RDH10: variants seen among roughly 807,000 people sequenced by gnomAD.
The protein encoded by RDH10 is retinol dehydrogenase 10.
A neutral mutation model predicts 30.2 loss-of-function variants in RDH10; 12 were observed. The observed-to-expected ratio is 0.40, with a 90% CI of 0.25 to 0.64. RDH10 has a LOEUF of 0.64. Ranked by LOEUF, RDH10 falls within the 30% of genes least tolerant of loss-of-function variation. RDH10 has a pLI of 0.43. For synonymous variants in RDH10, 189 were observed against 172.2 expected (o/e 1.10, Z -0.76); for missense variants, 268 against 445.2 (o/e 0.60, Z 3.58).
intron 1 of RDH10, among the ~76,000 whole-genome samples, chr8:73,296,112 T>TA (rs1018687409): frequency 1.1e-4 from 17 of 152,360 alleles, no homozygotes; most frequent in African/African-American, 4.1e-4. Context: ...TGAGCGTGAT[T>TA]GAAAGACGCC....
intron 2 of RDH10, among the ~76,000 whole-genome samples, chr8:73,310,016 T>A (rs1256215808): frequency 6.6e-6 from 1 of 152,176 alleles, no homozygotes; most frequent in Admixed American, 6.5e-5. Context: ...CTGAGGGACG[T>A]TGCCTCCTGA....
At chr8:73,307,705 T>C (rs1814487400) in intron 2 of RDH10, among the ~76,000 whole-genome samples, 1 of 152,230 alleles carries the variant, frequency 6.6e-6, no homozygotes, top group African/African-American at 2.4e-5. Flanking sequence ...CCTGTACAAA[T>C]ACTTAGCTGT....
chr8:73,315,413 T>C (rs1814645156), intron 2 of RDH10: 1 of 288,368 alleles, frequency 3.5e-6, no homozygotes, highest in Non-Finnish European at 7.2e-6. Flanking sequence ...CATACTACCC[T>C]CCTTATGGAC....
rs996889183 is a variant in RDH10 at position 73,310,538 on chromosome 8, T to C, written c.526-8558T>C. Among the ~76,000 whole-genome samples the C allele has an allele frequency of 3.9e-5, 6 of 152,320 alleles. 1 individual carries two copies. Among genetic ancestry groups the C allele is most frequent in the Middle Eastern group, 3.4e-3 (1 of 294 alleles). On this transcript the variant is annotated intron_variant, in intron 2 of 5. Coordinates refer to ENST00000240285, the MANE Select transcript of RDH10 (RefSeq NM_172037.5). ...CTCGCATGCATGTGTTTATGCGTCA[T>C]GGAAGTAGTTACTGGTCACTAGAGC...
rs6472766 is a variant in RDH10, at chr8:73,319,466, A to G, written c.624+272A>G. ...TGCGAGCCCAGGTGTTCAAGACTGC[A>G]GTGAGCTATGGTGGCACCACTGCAC... On this transcript the variant is annotated intron_variant, in intron 3 of 5. Coordinates refer to ENST00000240285, the MANE Select transcript of RDH10 (RefSeq NM_172037.5). Among the ~76,000 whole-genome samples the G allele has an allele frequency of 0.18, 26,839 of 152,176 alleles. 2,963 individuals carry two copies. The highest frequency in any genetic ancestry group is 0.31 in the African/African-American group (12,898 of 41,478).
intron 2 of RDH10, 164 bp downstream of exon 2, chr8:73,297,593 G>GTCGTT (rs1814290162): frequency 1.7e-6 from 1 of 585,884 alleles, no homozygotes; most frequent in African/African-American, 1.9e-5. Flanking sequence ...GTTACTGTTA[G>GTCGTT]TCGTTTTGTC....
In RDH10 at chr8:73,298,692, T is replaced by C. The variant is rs143341462; in HGVS notation, c.525+1263T>C. ...ACAGGCACATGCTGCCACACCTGGC[T>C]AATTTTTTGTATTTTAGTAGAGATG... On this transcript the variant is annotated intron_variant, in intron 2 of 5. Coordinates refer to ENST00000240285, the MANE Select transcript of RDH10 (RefSeq NM_172037.5). 7.9e-3 allele frequency among the ~76,000 whole-genome samples: 1,200 copies of C among 152,234 alleles called. 6 individuals are homozygous for C. Among genetic ancestry groups the C allele is most frequent in the South Asian group, 0.02 (97 of 4,830 alleles).
chr8:73,296,094 A>G (rs1232486646), intron 1 of RDH10, among the ~76,000 whole-genome samples: 1 of 152,228 alleles, frequency 6.6e-6, no homozygotes, highest in Admixed American at 6.5e-5. Context: ...TGCTTTAGTT[A>G]CATTCCCTGA....
chr8:73,303,663 T>G (rs1814419487), intron 2 of RDH10, among the ~76,000 whole-genome samples: 1 of 152,230 alleles, frequency 6.6e-6, no homozygotes, highest in Non-Finnish European at 1.5e-5. Flanking sequence ...ATCTTATTCT[T>G]GTAGTCACAG....
At chr8:73,314,327 A>T (rs1041350607) in intron 2 of RDH10, among the ~76,000 whole-genome samples, 5 of 152,200 alleles carry the variant, frequency 3.3e-5, no homozygotes, top group African/African-American at 1.2e-4. Context: ...TACTTGGGAA[A>T]ATTCCTGAAA....
At chr8:73,320,438 GTGTTTTTTTTT>G (rs1420652143) in intron 3 of RDH10, among the ~76,000 whole-genome samples, 3 of 147,476 alleles carry the variant, frequency 2.0e-5, no homozygotes, top group Admixed American at 2.0e-4. Flanking sequence ...TATCTGGTTT[GTGTTTTTTTTT>G]TGTTTTTGTT....
At chr8:73,297,511 T>C (rs34188852) in intron 2 of RDH10, 82 bp downstream of exon 2, 255,835 of 970,106 alleles carry the variant, frequency 0.26, 37,181 homozygotes, top group South Asian at 0.44. Context: ...AGTGCCAGCC[T>C]GAAAGCAACC....
At chr8:73,296,985 C>T (rs535119806) in intron 1 of RDH10, 2 of 537,538 alleles carry the variant, frequency 3.7e-6, no homozygotes. Flanking sequence ...CAAAGTTATC[C>T]AGTAAATTGC....
chr8:73,297,066 A>C, intron 1 of RDH10, 128 bp from the exon 2 acceptor site: 1 of 660,006 alleles, frequency 1.5e-6, no homozygotes, highest in Non-Finnish European at 2.8e-6. Flanking sequence ...TTGCAGCGTT[A>C]GAAATTTGAA....
At chr8:73,297,116 A>G (rs1430056895) in intron 1 of RDH10, 78 bp from the exon 2 acceptor site, 3 of 816,966 alleles carry the variant, frequency 3.7e-6, no homozygotes, top group Non-Finnish European at 6.4e-6. Flanking sequence ...TCTTTGTCCT[A>G]CTGATCGCCA....
chr8:73,301,211 T>C (rs996519930), intron 2 of RDH10, among the ~76,000 whole-genome samples: 6 of 150,296 alleles, frequency 4.0e-5, no homozygotes, highest in Non-Finnish European at 7.4e-5. Flanking sequence ...CTACCACGCC[T>C]GGCTAATTTT....
chr8:73,315,702 G>T, intron 2 of RDH10: 1 of 404,440 alleles, frequency 2.5e-6, no homozygotes, highest in South Asian at 1.8e-5. Flanking sequence ...GCTGGCTGGA[G>T]TTAGAGTGGA....
intron 2 of RDH10, among the ~76,000 whole-genome samples, chr8:73,318,032 G>A (rs1228339838): frequency 6.7e-6 from 1 of 148,480 alleles, no homozygotes; most frequent in Non-Finnish European, 1.5e-5. Flanking sequence ...TCTTCCTTAA[G>A]TCTGCTTTGT....
At position 73,321,078 on chromosome 8, in the gene RDH10, G is replaced by C; in HGVS notation, c.770+1G>C. The C allele has an allele frequency of 6.2e-7, 1 of 1,611,678 alleles. No homozygotes were observed. The highest frequency in any genetic ancestry group is 8.5e-7 in the Non-Finnish European group (1 of 1,178,630). ...GCATGTTCAGAGGCTGCCGAATCAG[G>C]TCAGTGAGAACCTATATTATTACTG... On this transcript the variant is annotated splice_donor_variant, in intron 4 of 5. Transcript: ENST00000240285. LOFTEE classifies it high-confidence loss of function.
Sources: gnomAD v4.1 joint callset for allele counts (sites outside exome capture counted in the v4.1 genomes callset) on GRCh38, gnomAD v4.1.1 for gene constraint, MANE v1.5 for transcripts, NCBI Gene and HGNC (gene_info 2026-07-23, HGNC 2026-07-21) for gene names.